Variants in ENTREP2 observed in about 807,000 individuals in gnomAD.
ENTREP2 encodes endosomal transmembrane epsin interactor 2.
At chr15:29,597,568 C>CAAAA in the ENTREP2 span, among the ~76,000 whole-genome samples, 5 of 137,734 alleles carry the variant, frequency 3.6e-5, no homozygotes, top group African/African-American at 1.4e-4. Context: ...AACTCTGTCT[C>CAAAA]AAAAAAAAAA....
At chr15:29,203,295 G>C in the ENTREP2 span, among the ~76,000 whole-genome samples, 1 of 152,174 alleles carries the variant, frequency 6.6e-6, no homozygotes, top group Non-Finnish European at 1.5e-5. Flanking sequence ...CCAGCTACTG[G>C]GGAGGCTGAG....
At chr15:29,542,411 G>A in the ENTREP2 span, among the ~76,000 whole-genome samples, 3 of 150,800 alleles carry the variant, frequency 2.0e-5, no homozygotes, top group Admixed American at 2.0e-4. Flanking sequence ...CCGTTCTCCT[G>A]CCTCAGCTTC....
the ENTREP2 span, among the ~76,000 whole-genome samples, chr15:29,150,257 G>C: frequency 6.6e-6 from 1 of 152,160 alleles, no homozygotes; most frequent in African/African-American, 2.4e-5. Context: ...TGAGAAGCAC[G>C]GCTCCACGCC....
chr15:29,288,422 T>G, the ENTREP2 span, among the ~76,000 whole-genome samples: 2 of 152,194 alleles, frequency 1.3e-5, no homozygotes, highest in East Asian at 3.8e-4. Flanking sequence ...TGTCAGGGCC[T>G]CTACACTGGC....
the ENTREP2 span, chr15:29,265,058 AT>A: frequency 6.6e-6 from 1 of 152,196 alleles, no homozygotes; most frequent in Non-Finnish European, 1.5e-5. Context: ...ATCCAAAGTC[AT>A]TCATAGTTTT....
At chr15:29,193,002 A>G in the ENTREP2 span, among the ~76,000 whole-genome samples, 1 of 152,212 alleles carries the variant, frequency 6.6e-6, no homozygotes, top group African/African-American at 2.4e-5. Flanking sequence ...CATCTATGAA[A>G]AACTTAGCGC....
chr15:29,268,898 C>A, the ENTREP2 span: 1 of 1,614,162 alleles, frequency 6.2e-7, no homozygotes, highest in Non-Finnish European at 8.5e-7. Context: ...TGATTATGGA[C>A]CTTGGCCACA....
chr15:29,242,724 T>C, the ENTREP2 span, among the ~76,000 whole-genome samples: 1 of 152,124 alleles, frequency 6.6e-6, no homozygotes, highest in Non-Finnish European at 1.5e-5. Flanking sequence ...TGCTTTGCCA[T>C]GTAGCGAATG....
the ENTREP2 span, among the ~76,000 whole-genome samples, chr15:29,600,889 A>G: frequency 8.4e-6 from 1 of 119,470 alleles, no homozygotes; most frequent in Non-Finnish European, 1.6e-5. Flanking sequence ...TGGGGAAAAT[A>G]TGATTTTTCT....
chr15:29,649,879 G>T, the ENTREP2 span, among the ~76,000 whole-genome samples: 1 of 152,288 alleles, frequency 6.6e-6, no homozygotes, highest in South Asian at 2.1e-4. Context: ...GGTAGAAATT[G>T]ACCAAAATGC....
chr15:29,239,548 C>A, the ENTREP2 span, among the ~76,000 whole-genome samples: 1 of 152,088 alleles, frequency 6.6e-6, no homozygotes, highest in African/African-American at 2.4e-5. Context: ...TGGAGCAAGT[C>A]GAGAGAGGCA....
At chr15:29,197,438 T>A in the ENTREP2 span, among the ~76,000 whole-genome samples, 826 of 151,782 alleles carry the variant, frequency 5.4e-3, 9 homozygotes, top group African/African-American at 0.019. Context: ...AATACGTAAA[T>A]AAAAAATAAT....
At chr15:29,617,669 T>C in the ENTREP2 span, among the ~76,000 whole-genome samples, 2 of 152,214 alleles carry the variant, frequency 1.3e-5, no homozygotes, top group African/African-American at 4.8e-5. Context: ...GGGGAAGATA[T>C]TCAAAGCACC....
the ENTREP2 span, chr15:29,233,552 A>G: frequency 1.2e-5 from 7 of 589,394 alleles, no homozygotes; most frequent in African/African-American, 1.3e-4. Context: ...TTTGTATACA[A>G]TACCACCTAC....
chr15:29,499,151 T>G, the ENTREP2 span, among the ~76,000 whole-genome samples: 1 of 152,172 alleles, frequency 6.6e-6, no homozygotes, highest in African/African-American at 2.4e-5. Context: ...AAGGTAATTA[T>G]TGATAAGAAC....
the ENTREP2 span, among the ~76,000 whole-genome samples, chr15:29,389,974 G>A: frequency 1.3e-5 from 2 of 152,178 alleles, no homozygotes; most frequent in Non-Finnish European, 2.9e-5. Flanking sequence ...GATTGGGAAA[G>A]GCATGATATT....
At chr15:29,296,904 T>C in the ENTREP2 span, among the ~76,000 whole-genome samples, 4 of 152,198 alleles carry the variant, frequency 2.6e-5, no homozygotes, top group Non-Finnish European at 4.4e-5. Context: ...ATGTGGCCTA[T>C]TGCCCTGTTA....
chr15:29,390,969 A>G, the ENTREP2 span, among the ~76,000 whole-genome samples: 1 of 152,262 alleles, frequency 6.6e-6, no homozygotes, highest in East Asian at 1.9e-4. Context: ...AACAGAGCAA[A>G]TAATATTCTG....
chr15:29,654,212 T>C, the ENTREP2 span, among the ~76,000 whole-genome samples: 2 of 152,236 alleles, frequency 1.3e-5, no homozygotes, highest in African/African-American at 4.8e-5. Flanking sequence ...TTTGTAATTG[T>C]ACACTAAATT....
Sources: allele counts gnomAD v4.1 joint callset (sites outside exome capture counted in the v4.1 genomes callset), GRCh38; gene constraint gnomAD v4.1.1; transcripts MANE v1.5; gene names NCBI Gene and HGNC (gene_info 2026-07-23, HGNC 2026-07-21).